The following DSC3 variants were observed in gnomAD, a reference collection of about 807,000 sequenced individuals.
DSC3 encodes the protein desmocollin-3.
DSC3 carries 97 observed loss-of-function variants against 89.5 expected under a neutral mutation model. The observed-to-expected ratio is 1.08, with a 90% CI of 0.92 to 1.28. The LOEUF (loss-of-function observed/expected upper bound fraction) is 1.28. Among genes scored for constraint, DSC3 ranks in the 50% most tolerant of loss-of-function variants. The probability of loss-of-function intolerance (pLI) is 0.00; values close to 1 mark genes in which losing one functional copy is unlikely to be tolerated. For synonymous variants in DSC3, 436 were observed against 384.1 expected (o/e 1.14, Z -1.58); for missense variants, 1,199 against 1,085.3 (o/e 1.10, Z -1.47).
intron 5 of DSC3, among the ~76,000 whole-genome samples, chr18:31,025,158 T>C (rs554267679): frequency 3.9e-5 from 6 of 152,294 alleles, no homozygotes; most frequent in Non-Finnish European, 8.8e-5. Context: ...CGAAAATCAT[T>C]CCATCAGAAT....
chr18:31,026,810 G>C (rs957134686), intron 4 of DSC3, among the ~76,000 whole-genome samples: 1 of 152,064 alleles, frequency 6.6e-6, no homozygotes, highest in African/African-American at 2.4e-5. Flanking sequence ...GCTAAGGTCA[G>C]GACAAGGGAA....
intron 7 of DSC3, among the ~76,000 whole-genome samples, chr18:31,021,155 C>T (rs1985406589): frequency 6.6e-6 from 1 of 151,584 alleles, no homozygotes; most frequent in Non-Finnish European, 1.5e-5. Flanking sequence ...TTTTCTTCAT[C>T]AGGAAAGTAG....
rs566682552 is a variant in DSC3, at chr18:30,992,113, A to T, written c.*2062T>A. ...CCGGGAGGCGGAGCTTTCAGTGAGC[A>T]GAGATCGGAGCCACTGCACTCCAGC... On this transcript the variant is annotated 3_prime_UTR_variant, in exon 16 of 16. Transcript: ENST00000360428. 5.1e-5 allele frequency: 7 copies of T among 136,140 alleles called. No individual in the cohort carries two copies. Among genetic ancestry groups the T allele is most frequent in the East Asian group, 5.1e-4 (2 of 3,896 alleles). 8.4% of individuals were successfully genotyped at this position (136,140 alleles called of 1,614,324 possible).
In DSC3 at chr18:31,032,239, A is replaced by G; in HGVS notation, c.107T>C (p.Ile36Thr). The G allele has an allele frequency of 6.2e-7, 1 of 1,613,876 alleles. No individual in the cohort carries two copies. The highest frequency in any genetic ancestry group is 8.5e-7 in the Non-Finnish European group (1 of 1,179,792). Residue 36 changes from isoleucine (I) to threonine (T), a missense_variant, in exon 2 of 16, where the codon ATA becomes ACA. Ile to Thr is a moderately conservative substitution (Grantham distance 89). Transcript: ENST00000360428. ...SRAGEACKKV[I>T]LNVPSKLEAD... Reference sequence around the variant, plus strand: ...CTCTAGTTTAGAAGGTACATTAAGTATCACCTTTTTGCAGGCTTCACCAGC... The same window carrying G: ...CTCTAGTTTAGAAGGTACATTAAGTGTCACCTTTTTGCAGGCTTCACCAGC...
chr18:31,038,583 G>T (rs276933), intron 1 of DSC3, among the ~76,000 whole-genome samples: 57,754 of 151,678 alleles, frequency 0.38, 11,490 homozygotes, highest in East Asian at 0.7. Flanking sequence ...TTCTATTTTT[G>T]ACTTGCTCAG....
rs1984172300 is a variant in DSC3 at position 30,989,867 on chromosome 18, A to G, written c.*4308T>C. On this transcript the variant is annotated 3_prime_UTR_variant, in exon 16 of 16. Transcript: ENST00000360428. ...AGGTTGATAGGTGCAGCAAACCACC[A>G]TGGGACACGTTTACCTATGTAACAA... 2 of 152,556 alleles carry G rather than the reference A, an allele frequency of 1.3e-5. No individual in the cohort carries two copies. The highest frequency in any genetic ancestry group is 2.9e-5 in the Non-Finnish European group (2 of 68,098). The allele number at this position is 152,556 out of a possible 1,614,324, so 9.5% of individuals were successfully genotyped here. A position where few individuals can be genotyped will look rare whatever the true frequency, so the allele number is the denominator to read the frequency against.
chr18:31,037,635 C>T (rs1986012676), intron 1 of DSC3, among the ~76,000 whole-genome samples: 2 of 152,172 alleles, frequency 1.3e-5, no homozygotes, highest in African/African-American at 4.8e-5. Flanking sequence ...GGCGCAGTGG[C>T]TCATGCCTGT....
At chr18:31,035,193 G>A (rs559545443) in intron 1 of DSC3, among the ~76,000 whole-genome samples, 2 of 152,096 alleles carry the variant, frequency 1.3e-5, no homozygotes, top group South Asian at 2.1e-4. Flanking sequence ...TAACATAACT[G>A]TAAATATATG....
intron 12 of DSC3, among the ~76,000 whole-genome samples, chr18:31,005,866 G>T (rs1984820508): frequency 6.6e-6 from 1 of 152,130 alleles, no homozygotes; most frequent in African/African-American, 2.4e-5. Flanking sequence ...CATCTCAGCT[G>T]GGATTGTGTC....
At chr18:31,040,811 AGAGTCGTAT>A (rs1348909492) in intron 1 of DSC3, among the ~76,000 whole-genome samples, 1 of 152,152 alleles carries the variant, frequency 6.6e-6, no homozygotes, top group East Asian at 1.9e-4. Context: ...TGAAAAGTTG[AGAGTCGTAT>A]GAGTCAAAAG....
At chr18:31,022,965 C>G (rs990813072) in intron 6 of DSC3, among the ~76,000 whole-genome samples, 1 of 152,110 alleles carries the variant, frequency 6.6e-6, no homozygotes, top group African/African-American at 2.4e-5. Context: ...CCAGCCTCTC[C>G]TTTCTATAAT....
chr18:30,997,239 A>T (rs1453546040), intron 14 of DSC3, among the ~76,000 whole-genome samples, 191 bp from the exon 15 acceptor site: 2 of 152,208 alleles, frequency 1.3e-5, no homozygotes, highest in Non-Finnish European at 2.9e-5. Flanking sequence ...CTATAACAGA[A>T]TACCTGAGAC....
intron 9 of DSC3, among the ~76,000 whole-genome samples, chr18:31,016,181 A>T (rs969058965): frequency 6.6e-6 from 1 of 152,180 alleles, no homozygotes; most frequent in Non-Finnish European, 1.5e-5. Context: ...TATTTAGCAT[A>T]TAATTAAGGA....
intron 1 of DSC3, among the ~76,000 whole-genome samples, chr18:31,032,590 G>T (rs1343557166): frequency 1.0e-4 from 11 of 105,686 alleles, no homozygotes; most frequent in Admixed American, 8.0e-4. Context: ...GTGTGTGTGT[G>T]CGTGTGCGTG....
intron 13 of DSC3, 124 bp from the exon 14 acceptor site, chr18:31,001,863 G>T: frequency 1.3e-6 from 1 of 751,250 alleles, no homozygotes; most frequent in East Asian, 2.8e-5. Context: ...GGTTTCCCAT[G>T]AATTATCTTG....
intron 5 of DSC3, among the ~76,000 whole-genome samples, chr18:31,025,206 T>C (rs182921046): frequency 1.4e-3 from 218 of 152,280 alleles, no homozygotes; most frequent in African/African-American, 5.0e-3. Context: ...ATTTACCATA[T>C]TACACTGAAA....
At chr18:31,025,697 A>G in intron 5 of DSC3, 63 bp downstream of exon 5, 1 of 1,507,876 alleles carries the variant, frequency 6.6e-7, no homozygotes, top group Non-Finnish European at 9.2e-7. Flanking sequence ...GAGTAGCTGG[A>G]GTAAGCATCA....
intron 5 of DSC3, 130 bp downstream of exon 5, chr18:31,025,630 C>T: frequency 1.0e-6 from 1 of 1,003,850 alleles, no homozygotes; most frequent in Admixed American, 2.0e-5. Context: ...GTTGCACATT[C>T]TATTTCCCAT....
chr18:31,001,410 A>G (rs575506470), intron 14 of DSC3, among the ~76,000 whole-genome samples: 6 of 152,190 alleles, frequency 3.9e-5, no homozygotes, highest in African/African-American at 1.4e-4. Flanking sequence ...ACTAGAGTGG[A>G]AAAAAGATAA....
Sources: allele counts gnomAD v4.1 joint callset (sites outside exome capture counted in the v4.1 genomes callset), GRCh38; gene constraint gnomAD v4.1.1; transcripts MANE v1.5; gene names NCBI Gene and HGNC (gene_info 2026-07-23, HGNC 2026-07-21).